ANK3: variants seen among roughly 807,000 people sequenced by gnomAD.
The protein encoded by ANK3 is ankyrin-3.
In ANK3, 57 loss-of-function variants were observed where a neutral mutation model predicts 370.9. The ratio of observed to expected loss-of-function variants is 0.15; its 90% CI spans 0.12 to 0.19. The LOEUF (loss-of-function observed/expected upper bound fraction) is 0.19, where lower values mean the gene tolerates loss of function less well. ANK3 is among the 10% of genes least tolerant of loss of function. The probability of loss-of-function intolerance (pLI) is 1.00; values close to 1 mark genes in which losing one functional copy is unlikely to be tolerated. For synonymous variants in ANK3, 1,929 were observed against 1,946.3 expected, an observed-to-expected ratio of 0.99 and a Z score of 0.23; for missense variants, 4,439 against 5,302.1, an observed-to-expected ratio of 0.84 and a Z score of 5.06.
rs967724374 is a variant in ANK3, at chr10:60,210,324, G to A, written c.997-2091C>T. ...CACTGGCAGGAGGTGGTGAAGATGG[G>A]AGGGGTAAATCGTGAGAAAACGCCT... On this transcript the variant is annotated intron_variant, in intron 9 of 43. Transcript: ENST00000280772. 4.6e-5 allele frequency among the ~76,000 whole-genome samples: 7 copies of A among 152,148 alleles called. No homozygotes were observed. The East Asian group carries it at 1.2e-3, about 25-fold the overall frequency.
chr10:60,137,491 C>T (rs2094408784), intron 24 of ANK3: 1 of 232,000 alleles, frequency 4.3e-6, no homozygotes, highest in Admixed American at 5.1e-5. Flanking sequence ...AAATGTTACA[C>T]TCAGAATATA....
intron 1 of ANK3, among the ~76,000 whole-genome samples, chr10:60,350,297 G>A (rs1037671955): frequency 1.4e-4 from 21 of 152,184 alleles, no homozygotes; most frequent in African/African-American, 5.1e-4. Context: ...GTTGTATACA[G>A]CAGTGGAGGG....
chr10:60,346,337 C>G (rs752676563), intron 1 of ANK3, among the ~76,000 whole-genome samples: 1 of 151,912 alleles, frequency 6.6e-6, no homozygotes, highest in Non-Finnish European at 1.5e-5. Flanking sequence ...GTATATGCAA[C>G]TTATACAACA....
At position 60,719,861 on chromosome 10, in the gene ANK3, G is replaced by T. The variant is rs187111986; in HGVS notation, c.57+13402C>A. ...TATGGCATTGATTTTGGTGCAGTAA[G>T]CACATTATGGCACTGTTTGCTTTAT... On this transcript the variant is annotated intron_variant, in intron 1 of 43. Transcript: ENST00000373827. Among the ~76,000 whole-genome samples, 212 of 152,236 alleles carry T rather than the reference G, an allele frequency of 1.4e-3. 1 individual carries two copies. The highest frequency in any genetic ancestry group is 2.5e-3 in the Non-Finnish European group (167 of 67,996).
intron 28 of ANK3, among the ~76,000 whole-genome samples, chr10:60,100,033 T>C (rs2090908892): frequency 6.6e-6 from 1 of 152,192 alleles, no homozygotes; most frequent in Non-Finnish European, 1.5e-5. Context: ...AATCCATATA[T>C]GCAAATGCAT....
At chr10:60,041,951 G>A (rs889818322) in intron 43 of ANK3, among the ~76,000 whole-genome samples, 10 of 77,504 alleles carry the variant, frequency 1.3e-4, no homozygotes, top group African/African-American at 3.4e-4. Context: ...GAAGACTGGT[G>A]GTGAACTAAA....
intron 43 of ANK3, among the ~76,000 whole-genome samples, chr10:60,034,229 C>T (rs2074413986): frequency 6.6e-6 from 1 of 150,906 alleles, no homozygotes; most frequent in Non-Finnish European, 1.5e-5. Flanking sequence ...GCCTCAGCTT[C>T]CTGAGTAGCT....
intron 2 of ANK3, among the ~76,000 whole-genome samples, chr10:60,486,709 C>T (rs1272924366): frequency 6.6e-6 from 1 of 152,172 alleles, no homozygotes; most frequent in Admixed American, 6.5e-5. Context: ...ATTCTTAAGA[C>T]ATTCCAAGCC....
At chr10:60,105,199 G>A (rs190998035) in intron 28 of ANK3, among the ~76,000 whole-genome samples, 133 of 147,392 alleles carry the variant, frequency 9.0e-4, no homozygotes, top group African/African-American at 2.9e-3. Context: ...TGGTGAGCCT[G>A]TTCTCTAATT....
At chr10:60,286,838 C>G (rs950766953) in intron 1 of ANK3, among the ~76,000 whole-genome samples, 3 of 152,138 alleles carry the variant, frequency 2.0e-5, no homozygotes, top group African/African-American at 7.2e-5. Flanking sequence ...GCACTATCAA[C>G]CCAAGATTAC....
intron 36 of ANK3, among the ~76,000 whole-genome samples, chr10:60,077,167 C>A (rs2084024552): frequency 1.3e-5 from 2 of 151,910 alleles, no homozygotes; most frequent in African/African-American, 4.8e-5. Flanking sequence ...CCAATAAGAG[C>A]AAGAAGTTTT....
chr10:60,393,814 G>GT (rs1453560586), upstream of ANK3, among the ~76,000 whole-genome samples: 2 of 152,046 alleles, frequency 1.3e-5, no homozygotes, highest in Non-Finnish European at 2.9e-5. Context: ...AGATGACACT[G>GT]TCACTTGGGG....
chr10:60,091,302 C>T (rs900818299), intron 28 of ANK3, among the ~76,000 whole-genome samples: 25 of 152,276 alleles, frequency 1.6e-4, no homozygotes, highest in African/African-American at 6.0e-4. Context: ...CTAGACATTC[C>T]TGCAGTTAGT....
At chr10:60,575,859 G>A (rs1382655543) in intron 2 of ANK3, among the ~76,000 whole-genome samples, 1 of 152,066 alleles carries the variant, frequency 6.6e-6, no homozygotes, top group Non-Finnish European at 1.5e-5. Context: ...ATTTAATGAT[G>A]TTTCTCTACA....
intron 2 of ANK3, among the ~76,000 whole-genome samples, chr10:60,558,891 A>G (rs532496002): frequency 6.6e-6 from 1 of 152,166 alleles, no homozygotes. Flanking sequence ...CCAACATTAC[A>G]TATTACTTTT....
intron 2 of ANK3, among the ~76,000 whole-genome samples, chr10:60,513,728 G>A (rs1409394279): frequency 1.3e-5 from 2 of 151,992 alleles, no homozygotes; most frequent in African/African-American, 4.8e-5. Flanking sequence ...GTAATGCATA[G>A]CATATGGAAG....
At chr10:60,280,785 A>T (rs2098150207) in intron 1 of ANK3, among the ~76,000 whole-genome samples, 1 of 152,218 alleles carries the variant, frequency 6.6e-6, no homozygotes, top group Non-Finnish European at 1.5e-5. Flanking sequence ...TATGGTAAAC[A>T]CCGCCTTCAA....
chr10:60,635,106 G>A (rs7097818), intron 1 of ANK3, among the ~76,000 whole-genome samples: 102,870 of 152,004 alleles, frequency 0.68, 34,951 homozygotes, highest in South Asian at 0.82. Context: ...GGGAGCTCAC[G>A]CATTTCTAAA....
rs1462238033 is a variant in ANK3, at chr10:60,114,216, G to T, written c.2948+9C>A. The T allele has an allele frequency of 1.9e-6, 3 of 1,548,640 alleles. No individual in the cohort carries two copies. The highest frequency in any genetic ancestry group is 1.8e-5 in the Admixed American group (1 of 55,552). ...TAGGATAATGAAAAGTGACATTTAG[G>T]TTACTTACCCAGAATGAATGGGGCT... On this transcript the variant is annotated intron_variant, in intron 26 of 43. Coordinates refer to ENST00000280772, the MANE Select transcript of ANK3 (RefSeq NM_020987.5).
Sources: gnomAD v4.1 joint callset for allele counts (sites outside exome capture counted in the v4.1 genomes callset) on GRCh38, gnomAD v4.1.1 for gene constraint, MANE v1.5 for transcripts, NCBI Gene and HGNC (gene_info 2026-07-23, HGNC 2026-07-21) for gene names.